Variants in MGAT1 observed in about 807,000 individuals in gnomAD.
The protein encoded by MGAT1 is N-glycosyl-oligosaccharide-glycoprotein N-acetylglucosaminyltransferase I.
In MGAT1, 14 loss-of-function variants were observed where a neutral mutation model predicts 31.7. The ratio of observed to expected loss-of-function variants is 0.44; its 90% CI spans 0.29 to 0.69. The LOEUF (loss-of-function observed/expected upper bound fraction) is 0.69, where lower values mean the gene tolerates loss of function less well. Ranked by LOEUF, MGAT1 falls within the 30% of genes least tolerant of loss-of-function variation. The pLI is 0.12. For missense variants in MGAT1, 557 were observed against 626.0 expected (o/e 0.89, Z 1.18); for synonymous variants, 338 against 276.0 (o/e 1.22, Z -2.23).
At chr5:180,801,070 T>A (rs1310239289) in intron 1 of MGAT1, among the ~76,000 whole-genome samples, 1 of 152,212 alleles carries the variant, frequency 6.6e-6, no homozygotes, top group Non-Finnish European at 1.5e-5. Flanking sequence ...CCGAGGTGGC[T>A]CTGGGTAGGC....
At chr5:180,803,034 T>C (rs150935626), upstream of MGAT1, 3,106 of 152,338 alleles carry the variant, frequency 0.02, 31 homozygotes, top group Middle Eastern at 0.061. Context: ...GCTTTCCGGC[T>C]CCCTGGCGCA....
intron 1 of MGAT1, among the ~76,000 whole-genome samples, chr5:180,812,922 C>T: frequency 6.6e-6 from 1 of 152,090 alleles, no homozygotes; most frequent in East Asian, 1.9e-4. Flanking sequence ...AAACCAGCAG[C>T]TAGAAATAAG....
intron 1 of MGAT1, chr5:180,810,163 C>T (rs1772399014): frequency 6.6e-6 from 1 of 151,402 alleles, no homozygotes; most frequent in Non-Finnish European, 1.5e-5. Flanking sequence ...CGGCCCGGCC[C>T]TCCCCTCGCA....
At position 180,792,603 on chromosome 5, in the gene MGAT1, G is replaced by C; in HGVS notation, c.369C>G (p.Asp123Glu). The change falls in exon 2 of 2, where the codon GAC becomes GAG. Residue 123 changes from aspartate (D) to glutamate (E), a missense_variant. By Grantham distance (45) the Asp-to-Glu change is conservative (BLOSUM62 2). Transcript: ENST00000307826. The stretch of plus-strand genomic sequence containing the variant: ...CCGAGGGCCGATAATGCAGCAGCTT[G>C]TCCAGGCAGCGCCGAACAGTGCTGC... ...CDRSTVRRCLDKLLHYRPSAE... is the reference protein window; with the variant it reads ...CDRSTVRRCLEKLLHYRPSAE... 1 of 1,609,952 alleles carries C rather than the reference G, an allele frequency of 6.2e-7. No individual in the cohort carries two copies.
chr5:180,793,343 G>A (rs72819827), intron 1 of MGAT1, among the ~76,000 whole-genome samples: 7 of 152,296 alleles, frequency 4.6e-5, no homozygotes, highest in Non-Finnish European at 7.4e-5. Context: ...CTTTCTACCT[G>A]TCAGATTTCA....
rs369862178 is a variant in MGAT1, at chr5:180,792,092, G to A, written c.880C>T (p.Arg294Trp). The change falls in exon 2 of 2, where the codon CGG becomes TGG. Residue 294 changes from arginine to tryptophan, a missense_variant. Transcript: ENST00000307826. ...PKAFWDDWMR[R>W]PEQRQGRACI... Reference sequence around the variant, plus strand: ...GCCCGCCCCTGCCGCTGCTCCGGCCGCCGCATCCAGTCGTCCCAGAAGGCC... The same window carrying A: ...GCCCGCCCCTGCCGCTGCTCCGGCCACCGCATCCAGTCGTCCCAGAAGGCC... 2 of 1,613,178 alleles carry A rather than the reference G, an allele frequency of 1.2e-6. No homozygotes were observed. The highest frequency in any genetic ancestry group is 1.1e-5 in the South Asian group (1 of 91,082).
At chr5:180,810,886 G>A (rs1272024282) in intron 1 of MGAT1, 2 of 152,266 alleles carry the variant, frequency 1.3e-5, no homozygotes, top group East Asian at 1.9e-4. Flanking sequence ...AGGTGCTGTT[G>A]GTACCTGCGG....
Position 180,792,403 on chromosome 5 carries a change from C to A in MGAT1, c.569G>T (p.Arg190Leu). 1 of 1,609,990 alleles carries A rather than the reference C, an allele frequency of 6.2e-7. No individual in the cohort carries two copies. Among genetic ancestry groups the A allele is most frequent in the Admixed American group, 1.7e-5 (1 of 59,898 alleles). ...CCGGAAGACCTGGCCCAGCGCCCAG[C>A]GGTAGTGGCGCGCGATCTTGTAGTA... is the stretch of plus-strand genomic sequence containing the variant. ...QGYYKIARHYRWALGQVFRQF... is the reference protein window; with the variant it reads ...QGYYKIARHYLWALGQVFRQF... The change falls in exon 2 of 2, where the codon CGC (arginine) becomes CTC (leucine). Residue 190 changes from arginine to leucine, a missense_variant. Around this residue, in one of 3 missense-constraint regions of MGAT1, gnomAD observed 245 missense variants for 332.9 expected, o/e 0.74. Transcript: ENST00000307826.
At chr5:180,798,334 G>A (rs559564478) in intron 1 of MGAT1, among the ~76,000 whole-genome samples, 1 of 152,218 alleles carries the variant, frequency 6.6e-6, no homozygotes, top group Non-Finnish European at 1.5e-5. Flanking sequence ...GTGCCCATGT[G>A]CCAGCTCTGC....
chr5:180,792,325 G>A lies in MGAT1; in HGVS notation c.647C>T (p.Pro216Leu). The change falls in exon 2 of 2, where the codon CCG (proline) becomes CTG (leucine). Residue 216 changes from proline (P) to leucine (L), a missense_variant. This residue lies in a region of MGAT1 where 245 missense variants were observed against 332.9 expected (regional missense o/e 0.74). Transcript: ENST00000307826. ...VVVEDDLEVA[P>L]DFFEYFRATY... ...GGCCCGAAAGTACTCGAAGAAGTCC[G>A]GGGCCACCTCCAGGTCATCCTCCAC... is the stretch of plus-strand genomic sequence containing the variant. 9 of 1,610,702 alleles carry A rather than the reference G, an allele frequency of 5.6e-6. No homozygotes were observed. Among genetic ancestry groups the A allele is most frequent in the Non-Finnish European group, 7.6e-6 (9 of 1,178,030 alleles).
Position 180,792,183 on chromosome 5 carries a change from A to G in MGAT1, c.789T>C (p.Phe263=). ...ACAGCAGCCAGCCCAGGCCAGGGAA[A>G]AAGTCGGTGCGGTAGAGCAGCTCAG... ...SRPELLYRTD[F]FPGLGWLLLA... Residue 263 remains phenylalanine (F), a synonymous_variant, in exon 2 of 2, where the codon TTT becomes TTC. Coordinates refer to ENST00000307826, the MANE Select transcript of MGAT1 (RefSeq NM_002406.4). 1.2e-6 allele frequency: 2 copies of G among 1,613,130 alleles called. No individual in the cohort carries two copies. Among genetic ancestry groups the G allele is most frequent in the Non-Finnish European group, 1.7e-6 (2 of 1,179,978 alleles).
rs1342462406 is a variant in MGAT1 at position 180,790,543 on chromosome 5, T to C, written c.*1091A>G. 6.6e-6 allele frequency: 1 copy of C among 152,306 alleles called. No homozygotes were observed. The highest frequency in any genetic ancestry group is 1.5e-5 in the Non-Finnish European group (1 of 68,086). The allele number at this position is 152,306 out of a possible 1,614,324, so 9.4% of individuals were successfully genotyped here. A position where few individuals can be genotyped will look rare whatever the true frequency, so the allele number is the denominator to read the frequency against. On this transcript the variant is annotated 3_prime_UTR_variant, in exon 2 of 2. Coordinates refer to ENST00000307826, the MANE Select transcript of MGAT1 (RefSeq NM_002406.4). ...TTTCCAGGACACACACACATAAATATTTTTCAGACAATTCAGCCTTTATTT... is the reference window on the plus strand; with the variant it reads ...TTTCCAGGACACACACACATAAATACTTTTCAGACAATTCAGCCTTTATTT...
Position 180,790,341 on chromosome 5 carries a change from C to T in MGAT1, c.*1293G>A, listed in dbSNP as rs879512498. ...AGCAGGAGCACAGTCCGGGGCTCCT[C>T]TCCACCTTGTGGCCTGGACTTCCTT... On this transcript the variant is annotated 3_prime_UTR_variant, in exon 2 of 2. Transcript: ENST00000307826. 2.0e-5 allele frequency: 3 copies of T among 152,416 alleles called. No homozygotes were observed. Among genetic ancestry groups the T allele is most frequent in the Non-Finnish European group, 4.4e-5 (3 of 68,220 alleles). 9.4% of individuals were successfully genotyped at this position (152,416 alleles called of 1,614,324 possible).
Position 180,792,592 on chromosome 5 carries a change from TG to T in MGAT1, c.379del (p.His127IlefsTer41). 1 of 1,611,144 alleles carries T rather than the reference TG, an allele frequency of 6.2e-7. No homozygotes were observed. The highest frequency in any genetic ancestry group is 1.1e-5 in the South Asian group (1 of 90,910). ...TVRRCLDKLLHYRPSAELFPI... is the reference protein window; with the variant it reads ...TVRRCLDKLLXYRPSAELFPI... ...GAAGAGCTCAGCCGAGGGCCGATAA[TG>T]CAGCAGCTTGTCCAGGCAGCGCCGA... is the stretch of plus-strand genomic sequence containing the variant. On this transcript the variant is annotated frameshift_variant, in exon 2 of 2. Transcript: ENST00000307826. LOFTEE classifies it high-confidence loss of function.
At chr5:180,808,483 G>A (rs1772144501) in intron 2 of MGAT1, 1 of 152,258 alleles carries the variant, frequency 6.6e-6, no homozygotes, top group Non-Finnish European at 1.5e-5. Flanking sequence ...GTAAGGGGAA[G>A]TTGGGAACAA....
chr5:180,797,615 C>T (rs1161987836), intron 1 of MGAT1, among the ~76,000 whole-genome samples: 1 of 152,182 alleles, frequency 6.6e-6, no homozygotes, highest in Non-Finnish European at 1.5e-5. Context: ...CCTGCCCCAC[C>T]CTTCTAAGCC....
chr5:180,795,190 AGTAGG>A (rs1769063555), intron 1 of MGAT1, among the ~76,000 whole-genome samples: 2 of 152,046 alleles, frequency 1.3e-5, no homozygotes, highest in Admixed American at 1.3e-4. Context: ...AGAGAAGGGC[AGTAGG>A]GTAGTTACTA....
At chr5:180,795,636 G>A (rs1769199660) in intron 1 of MGAT1, 2 of 152,216 alleles carry the variant, frequency 1.3e-5, no homozygotes, top group African/African-American at 4.8e-5. Context: ...TAAAGAGAGT[G>A]TGTACGAATA....
Position 180,792,662 on chromosome 5 carries a change from C to T in MGAT1, c.310G>A (p.Ala104Thr), listed in dbSNP as rs750558283. Residue 104 changes from alanine (A) to threonine (T), a missense_variant, in exon 2 of 2, where the codon GCG becomes ACG. Ala to Thr is a moderately conservative substitution (Grantham distance 58). Around this residue, in one of 3 missense-constraint regions of MGAT1, gnomAD observed 167 missense variants for 149.8 expected, o/e 1.11. Transcript: ENST00000307826. Reference protein sequence around the residue: ...QPRVPVTPAPAVIPILVIACD... With the variant: ...QPRVPVTPAPTVIPILVIACD... ...GCGATGACCAGGATGGGAATCACCG[C>T]CGGCGCGGGGGTCACAGGCACACGC... 4 of 1,578,320 alleles carry T rather than the reference C, an allele frequency of 2.5e-6. No individual in the cohort carries two copies. The highest frequency in any genetic ancestry group is 3.4e-6 in the Non-Finnish European group (4 of 1,161,284).
Sources: allele counts gnomAD v4.1 joint callset (sites outside exome capture counted in the v4.1 genomes callset), GRCh38; gene constraint gnomAD v4.1.1; regional missense constraint gnomAD v4.1.1; transcripts MANE v1.5; gene names NCBI Gene and HGNC (gene_info 2026-07-23, HGNC 2026-07-21).